ACBD5: variants seen among roughly 807,000 people sequenced by gnomAD.
ACBD5 encodes acyl-CoA binding domain containing 5.
Under a neutral mutation model 71.8 loss-of-function variants are expected in ACBD5, and 40 were observed. The ratio of observed to expected loss-of-function variants is 0.56; its 90% CI spans 0.43 to 0.72. The LOEUF is 0.72. ACBD5 is among the 30% of genes least tolerant of loss of function. The pLI is 0.00. For missense variants in ACBD5, 559 were observed against 644.5 expected (o/e 0.87, Z 1.44); for synonymous variants, 229 against 218.6 (o/e 1.05, Z -0.42).
At chr10:27,229,304 C>G (rs1277048908) in intron 4 of ACBD5, among the ~76,000 whole-genome samples, 1 of 151,852 alleles carries the variant, frequency 6.6e-6, no homozygotes, top group Non-Finnish European at 1.5e-5. Flanking sequence ...ATGACAGTGA[C>G]AGGCCAGGCA....
At position 27,228,815 on chromosome 10, in the gene ACBD5, A is replaced by ATATATATATTTT. The variant is rs1554856598; in HGVS notation, c.375+2932_375+2933insAAAATATATATA. ...TTTATATATATATATATATATATAT[A>ATATATATATTTT]TTTTTTTTTTTTTTTTTTTTTTTGA... On this transcript the variant is annotated intron_variant, in intron 4 of 12. Transcript: ENST00000396271. 1.5e-4 allele frequency among the ~76,000 whole-genome samples: 3 copies of ATATATATATTTT among 20,368 alleles called. 1 individual carries two copies. Among genetic ancestry groups the ATATATATATTTT allele is most frequent in the Admixed American group, 1.4e-3 (2 of 1,392 alleles). 13.4% of individuals were successfully genotyped at this position (20,368 alleles called of 152,430 possible).
At chr10:27,204,325 A>C (rs2060239911) in intron 12 of ACBD5, 115 bp downstream of exon 12, 1 of 735,438 alleles carries the variant, frequency 1.4e-6, no homozygotes, top group Admixed American at 2.0e-5. Flanking sequence ...TAGAATGTTC[A>C]CTATGACGAT....
chr10:27,217,866 T>C, intron 7 of ACBD5, 114 bp downstream of exon 7: 1 of 982,826 alleles, frequency 1.0e-6, no homozygotes, highest in Non-Finnish European at 1.5e-6. Flanking sequence ...TAATAAGCCC[T>C]AAGATATTAT....
At chr10:27,221,780 T>C (rs896461352) in intron 5 of ACBD5, among the ~76,000 whole-genome samples, 1 of 151,854 alleles carries the variant, frequency 6.6e-6, no homozygotes, top group Non-Finnish European at 1.5e-5. Context: ...CATACAAGAA[T>C]ACAAGTGTAC....
intron 2 of ACBD5, among the ~76,000 whole-genome samples, chr10:27,237,146 A>G (rs940285584): frequency 6.9e-6 from 1 of 145,406 alleles, no homozygotes; most frequent in Non-Finnish European, 1.6e-5. Flanking sequence ...AATTTAAAAC[A>G]TCAAAAGTCT....
chr10:27,198,979 C>A (rs1588962748), intron 12 of ACBD5, among the ~76,000 whole-genome samples: 1 of 151,698 alleles, frequency 6.6e-6, no homozygotes, highest in South Asian at 2.1e-4. Flanking sequence ...CATGGTGGCA[C>A]GCACCTATAG....
At chr10:27,207,286 C>CATCATAATAATA (rs1554833797) in intron 10 of ACBD5, among the ~76,000 whole-genome samples, 1 of 146,020 alleles carries the variant, frequency 6.8e-6, no homozygotes, top group African/African-American at 2.5e-5. Context: ...AAAAAAAACC[C>CATCATAATAATA]ATAATAATAA....
chr10:27,189,769 A>AAAAT (rs939186894), intron 13 of ACBD5, among the ~76,000 whole-genome samples: 10 of 145,054 alleles, frequency 6.9e-5, no homozygotes, highest in African/African-American at 2.4e-4. Context: ...GTATAATAAA[A>AAAAT]ATATATATAT....
chr10:27,210,342 C>G (rs1029408001), intron 9 of ACBD5, among the ~76,000 whole-genome samples: 24 of 152,218 alleles, frequency 1.6e-4, no homozygotes, highest in African/African-American at 5.8e-4. Context: ...AGTTAAACCC[C>G]AAAGAGGGCA....
At chr10:27,227,046 T>C (rs1361474566) in intron 4 of ACBD5, among the ~76,000 whole-genome samples, 1 of 102,274 alleles carries the variant, frequency 9.8e-6, no homozygotes, top group Admixed American at 1.3e-4. Flanking sequence ...TCACCAACTA[T>C]TGTTAGTATC....
chr10:27,223,531 T>A (rs904689858), intron 4 of ACBD5, 79 bp from the exon 5 acceptor site: 21 of 1,018,944 alleles, frequency 2.1e-5, no homozygotes, highest in Non-Finnish European at 3.2e-5. Flanking sequence ...ATCTCCTATT[T>A]CCAATTTGTC....
chr10:27,204,690 T>G (rs1337434847), intron 11 of ACBD5, 141 bp from the exon 12 acceptor site: 1 of 696,942 alleles, frequency 1.4e-6, no homozygotes, highest in African/African-American at 1.8e-5. Context: ...AAAGATATTC[T>G]GCATTTCAGA....
At chr10:27,192,231 G>A (rs2059109399), downstream of ACBD5, among the ~76,000 whole-genome samples, 1 of 135,690 alleles carries the variant, frequency 7.4e-6, no homozygotes, top group South Asian at 2.4e-4. Flanking sequence ...ACAAGAAATG[G>A]ATACATTCCT....
chr10:27,204,275 A>G lies in ACBD5; in HGVS notation c.1565+165T>C, dbSNP rs7910237. The stretch of plus-strand genomic sequence containing the variant: ...TCTAACAAGTACCTAGGAATCCACA[A>G]GATATCATTTCCAAGGCAGTTTCAG... On this transcript the variant is annotated intron_variant, in intron 12 of 12. Coordinates refer to ENST00000396271, the MANE Select transcript of ACBD5 (RefSeq NM_145698.5). 0.096 allele frequency among the ~76,000 whole-genome samples: 14,647 copies of G among 152,150 alleles called. 2,282 individuals are homozygous for G. The highest frequency in any genetic ancestry group is 0.33 in the African/African-American group (13,665 of 41,454).
intron 9 of ACBD5, 149 bp from the exon 10 acceptor site, chr10:27,208,594 T>G (rs1019695265): frequency 1.0e-6 from 1 of 962,842 alleles, no homozygotes; most frequent in Admixed American, 2.1e-5. Context: ...TCCCAGCACT[T>G]TGGGAGGCTG....
chr10:27,237,336 C>T (rs546205715), intron 2 of ACBD5, among the ~76,000 whole-genome samples: 103 of 152,158 alleles, frequency 6.8e-4, no homozygotes, highest in Admixed American at 2.8e-3. Context: ...GAAATATTAG[C>T]TAAGAATTTT....
intron 5 of ACBD5, among the ~76,000 whole-genome samples, 170 bp from the exon 6 acceptor site, chr10:27,220,027 G>T (rs2062138546): frequency 6.6e-6 from 1 of 151,934 alleles, no homozygotes; most frequent in South Asian, 2.1e-4. Context: ...TATATTACAA[G>T]ACAAATTCCT....
chr10:27,211,302 CT>C (rs2137075224), intron 8 of ACBD5, among the ~76,000 whole-genome samples: 1 of 152,100 alleles, frequency 6.6e-6, no homozygotes, highest in South Asian at 2.1e-4. Flanking sequence ...AGTCAAGAAG[CT>C]TGGGTAGTAA....
chr10:27,208,515 T>C (rs2060713153), intron 9 of ACBD5, 70 bp from the exon 10 acceptor site: 1 of 1,542,868 alleles, frequency 6.5e-7, no homozygotes, highest in East Asian at 2.3e-5. Context: ...TTTTATTCAT[T>C]TTCCTCTGTT....
Sources: gnomAD v4.1 joint callset for allele counts (sites outside exome capture counted in the v4.1 genomes callset) on GRCh38, gnomAD v4.1.1 for gene constraint, MANE v1.5 for transcripts, NCBI Gene and HGNC (gene_info 2026-07-23, HGNC 2026-07-21) for gene names.